KLF8: variants seen among roughly 807,000 people sequenced by gnomAD.
KLF8 encodes the protein KLF transcription factor 8.
Under a neutral mutation model 18.2 loss-of-function variants are expected in KLF8, and 10 were observed. The observed-to-expected ratio is 0.55, with a 90% CI of 0.34 to 0.93. KLF8 has a LOEUF of 0.93. Ranked by LOEUF, KLF8 falls within the 40% of genes least tolerant of loss-of-function variation. KLF8 has a pLI of 0.02. For synonymous variants in KLF8, 109 were observed against 97.3 expected (o/e 1.12, Z -0.71); for missense variants, 264 against 277.9 (o/e 0.95, Z 0.36).
At chrX:55,914,131 A>G in the KLF8 span, among the ~76,000 whole-genome samples, 1 of 112,036 alleles carries the variant, frequency 8.9e-6, no homozygotes, top group African/African-American at 3.2e-5. Context: ...TTCAGAGTAC[A>G]TTTTTACAAG....
chrX:56,092,081 T>C, the KLF8 span, among the ~76,000 whole-genome samples: 1 of 109,904 alleles, frequency 9.1e-6, no homozygotes, highest in African/African-American at 3.3e-5. Context: ...TGATTGCTGA[T>C]GTTGAGTTTT....
At chrX:56,209,851 C>A in the KLF8 span, among the ~76,000 whole-genome samples, 2 of 111,139 alleles carry the variant, frequency 1.8e-5, no homozygotes, top group African/African-American at 3.3e-5. Flanking sequence ...ATCTTATAAT[C>A]TATTATTTTA....
At chrX:56,245,792 T>A (rs1265705347) in intron 1 of KLF8, among the ~76,000 whole-genome samples, 1 of 112,122 alleles carries the variant, frequency 8.9e-6, no homozygotes, top group Non-Finnish European at 1.9e-5. Context: ...TGACAGCTTT[T>A]GTGCAGCTGT....
At chrX:56,213,314 C>CTTTTTTTTTTTTTT in the KLF8 span, among the ~76,000 whole-genome samples, 2 of 12,016 alleles carry the variant, frequency 1.7e-4, no homozygotes, top group Admixed American at 8.5e-4. Flanking sequence ...CTTTTCTTTT[C>CTTTTTTTTTTTTTT]TTTTTTTTTT....
chrX:55,977,235 G>A, the KLF8 span, among the ~76,000 whole-genome samples: 3 of 111,555 alleles, frequency 2.7e-5, no homozygotes, highest in African/African-American at 6.5e-5. Context: ...TCACCGTTGG[G>A]TATGATGTTA....
the KLF8 span, among the ~76,000 whole-genome samples, chrX:56,135,004 T>A: frequency 1.8e-5 from 2 of 110,468 alleles, no homozygotes; most frequent in Non-Finnish European, 3.8e-5. Flanking sequence ...TAAAAATCAA[T>A]ACCACGAAGG....
the KLF8 span, among the ~76,000 whole-genome samples, chrX:56,220,549 T>C: frequency 1.8e-5 from 2 of 111,489 alleles, no homozygotes; most frequent in Non-Finnish European, 3.8e-5. Context: ...GCAATGGCTT[T>C]ATCTCGGCTC....
At chrX:56,064,149 G>C in the KLF8 span, among the ~76,000 whole-genome samples, 1 of 102,882 alleles carries the variant, frequency 9.7e-6, no homozygotes, top group African/African-American at 3.9e-5. Flanking sequence ...ATATATATGT[G>C]TGTGTGTGTA....
At chrX:55,948,559 C>A in the KLF8 span, among the ~76,000 whole-genome samples, 9 of 111,907 alleles carry the variant, frequency 8.0e-5, no homozygotes, top group African/African-American at 2.6e-4. Flanking sequence ...AACTGAGGAT[C>A]TTTTCAACTT....
At chrX:56,090,896 G>A in the KLF8 span, among the ~76,000 whole-genome samples, 1 of 111,785 alleles carries the variant, frequency 8.9e-6, no homozygotes, top group Non-Finnish European at 1.9e-5. Context: ...CTGTTTCTGA[G>A]TTATTTCACT....
At chrX:56,062,662 C>T in the KLF8 span, among the ~76,000 whole-genome samples, 3 of 108,128 alleles carry the variant, frequency 2.8e-5, no homozygotes, top group African/African-American at 6.6e-5. Context: ...ATTCTTAAGG[C>T]GTAACTTTGT....
the KLF8 span, among the ~76,000 whole-genome samples, chrX:56,048,653 C>T: frequency 9.8e-5 from 11 of 111,879 alleles, no homozygotes; most frequent in African/African-American, 3.6e-4. Flanking sequence ...CAGTACCACG[C>T]TGTTTTGGTT....
chrX:56,012,339 CA>C, the KLF8 span, among the ~76,000 whole-genome samples: 1 of 111,591 alleles, frequency 9.0e-6, no homozygotes, highest in African/African-American at 3.3e-5. Flanking sequence ...GAGCTGAAGA[CA>C]AAAACACATG....
the KLF8 span, among the ~76,000 whole-genome samples, chrX:56,111,284 T>C: frequency 3.6e-5 from 4 of 112,195 alleles, no homozygotes; most frequent in Non-Finnish European, 7.5e-5. Context: ...CTCTTGGCTT[T>C]CAGCAGTTTG....
At chrX:56,141,165 C>A in the KLF8 span, among the ~76,000 whole-genome samples, 1 of 111,541 alleles carries the variant, frequency 9.0e-6, no homozygotes, top group Non-Finnish European at 1.9e-5. Flanking sequence ...CAGGGTTTCA[C>A]CATTTTGCTC....
the KLF8 span, among the ~76,000 whole-genome samples, chrX:56,027,688 C>T: frequency 0.085 from 9,468 of 111,783 alleles, 978 homozygotes; most frequent in African/African-American, 0.29. Flanking sequence ...CTCCCGTCTA[C>T]GTATAACTCC....
the KLF8 span, among the ~76,000 whole-genome samples, chrX:56,050,074 T>C: frequency 1.8e-5 from 2 of 110,768 alleles, no homozygotes; most frequent in Non-Finnish European, 3.8e-5. Flanking sequence ...TGTAGTATTC[T>C]CTGATGGTAG....
the KLF8 span, among the ~76,000 whole-genome samples, chrX:56,030,958 C>T: frequency 1.8e-5 from 2 of 110,332 alleles, no homozygotes; most frequent in Non-Finnish European, 3.8e-5. Flanking sequence ...GGGAACTGAT[C>T]TGGGTGTCCT....
intron 2 of KLF8, among the ~76,000 whole-genome samples, chrX:56,251,558 G>A (rs778264923): frequency 2.7e-5 from 3 of 110,884 alleles, no homozygotes; most frequent in African/African-American, 9.8e-5. Context: ...TGCCTTCCAG[G>A]TTCAAGCTAT....
Sources: allele counts gnomAD v4.1 joint callset (sites outside exome capture counted in the v4.1 genomes callset), GRCh38; gene constraint gnomAD v4.1.1; transcripts MANE v1.5; gene names NCBI Gene and HGNC (gene_info 2026-07-23, HGNC 2026-07-21).